STAT3: variants seen among roughly 807,000 people sequenced by gnomAD.
STAT3 encodes the protein signal transducer and activator of transcription 3.
STAT3 carries 7 observed loss-of-function variants against 114.3 expected under a neutral mutation model. The observed-to-expected ratio is 0.06, with a 90% CI of 0.03 to 0.11. STAT3 has a LOEUF of 0.11. Ranked by LOEUF, STAT3 falls within the 10% of genes least tolerant of loss-of-function variation. The probability of loss-of-function intolerance (pLI) is 1.00; values close to 1 mark genes in which losing one functional copy is unlikely to be tolerated. For missense variants in STAT3, 364 were observed against 960.9 expected (o/e 0.38, Z 8.21); for synonymous variants, 331 against 354.5 (o/e 0.93, Z 0.74).
chr17:42,330,065 A>G (rs182015336), intron 11 of STAT3, among the ~76,000 whole-genome samples: 19 of 152,218 alleles, frequency 1.2e-4, no homozygotes. Context: ...ATCCTCATGA[A>G]ATTTCCACAT....
chr17:42,313,458 T>C lies in STAT3; in HGVS notation c.*2287A>G, dbSNP rs1324361851. 1 of 226,364 alleles carries C rather than the reference T, an allele frequency of 4.4e-6. No homozygotes were observed. Among genetic ancestry groups the C allele is most frequent in the Non-Finnish European group, 8.8e-6 (1 of 113,984 alleles). 14.0% of individuals were successfully genotyped at this position (226,364 alleles called of 1,614,324 possible). On this transcript the variant is annotated 3_prime_UTR_variant, in exon 24 of 24. Transcript: ENST00000264657. ...ACACTATGAAGTACACATTGGAATT[T>C]GAATGCAGTGGCCAGGACAGCAGCT...
chr17:42,358,992 T>C (rs7350890), intron 1 of STAT3, among the ~76,000 whole-genome samples: 13 of 135,706 alleles, frequency 9.6e-5, no homozygotes, highest in African/African-American at 3.6e-4. Context: ...TGGAATGCGG[T>C]GGGCACAATC....
At chr17:42,383,106 G>C (rs1184714171) in intron 1 of STAT3, among the ~76,000 whole-genome samples, 1 of 151,948 alleles carries the variant, frequency 6.6e-6, no homozygotes, top group Non-Finnish European at 1.5e-5. Flanking sequence ...CCCCAGTCTG[G>C]AGTGCAGTGG....
intron 1 of STAT3, among the ~76,000 whole-genome samples, chr17:42,350,230 G>C (rs889244919): frequency 6.6e-6 from 1 of 152,180 alleles, no homozygotes; most frequent in Non-Finnish European, 1.5e-5. Flanking sequence ...GCACGAAGAA[G>C]CACCTAGTTA....
intron 1 of STAT3, among the ~76,000 whole-genome samples, chr17:42,359,196 A>C (rs2083387453): frequency 6.6e-6 from 1 of 151,914 alleles, no homozygotes; most frequent in African/African-American, 2.4e-5. Context: ...CGGCCTCCCA[A>C]AGTGCTGGGA....
intron 1 of STAT3, among the ~76,000 whole-genome samples, chr17:42,352,651 CAAA>C (rs766577639): frequency 7.6e-5 from 6 of 78,926 alleles, no homozygotes; most frequent in Admixed American, 1.4e-4. Flanking sequence ...GACTCTGTCT[CAAA>C]AAAAAAAAAA....
intron 21 of STAT3, among the ~76,000 whole-genome samples, chr17:42,319,001 G>T (rs1252172326): frequency 6.6e-6 from 1 of 152,142 alleles, no homozygotes; most frequent in Non-Finnish European, 1.5e-5. Flanking sequence ...TGCACTTTGG[G>T]AGGCTGAAGC....
At chr17:42,352,191 T>C (rs1567734986) in intron 1 of STAT3, among the ~76,000 whole-genome samples, 1 of 151,918 alleles carries the variant, frequency 6.6e-6, no homozygotes, top group African/African-American at 2.4e-5. Flanking sequence ...ATACAAAAAT[T>C]AGCCGAGCAT....
intron 1 of STAT3, 70 bp downstream of exon 1, chr17:42,388,209 G>A: frequency 8.1e-7 from 1 of 1,228,620 alleles, no homozygotes; most frequent in Non-Finnish European, 1.0e-6. Context: ...AGGTCCCAGA[G>A]GCCCCCTGCC....
Position 42,333,844 on chromosome 17 carries a change from T to G in STAT3, c.956+47A>C. 9.3e-6 allele frequency: 15 copies of G among 1,614,108 alleles called. No individual in the cohort carries two copies. Among genetic ancestry groups the G allele is most frequent in the Non-Finnish European group, 1.3e-5 (15 of 1,179,980 alleles). On this transcript the variant is annotated intron_variant, in intron 9 of 23. Transcript: ENST00000264657. The surrounding 1 kb of genome is among the most constrained non-coding windows in gnomAD (Gnocchi z 5.2). Reference sequence around the variant, plus strand: ...CGCCTCTCACTCTACCACGTGAGTCTTTAGGTATTTTTTAGATGAGGGAAA... The same window carrying G: ...CGCCTCTCACTCTACCACGTGAGTCGTTAGGTATTTTTTAGATGAGGGAAA...
chr17:42,347,681 C>T (rs2145005499), intron 2 of STAT3, among the ~76,000 whole-genome samples: 1 of 152,144 alleles, frequency 6.6e-6, no homozygotes, highest in East Asian at 1.9e-4. Flanking sequence ...GTGGGTTTCT[C>T]ATGAATGGTT....
At chr17:42,350,224 G>A (rs1005360243) in intron 1 of STAT3, among the ~76,000 whole-genome samples, 3 of 152,266 alleles carry the variant, frequency 2.0e-5, no homozygotes, top group South Asian at 2.1e-4. Context: ...GAGAAGGCAC[G>A]AAGAAGCACC....
At chr17:42,326,371 G>A (rs566572230) in intron 14 of STAT3, among the ~76,000 whole-genome samples, 172 bp from the exon 15 acceptor site, 2 of 152,256 alleles carry the variant, frequency 1.3e-5, no homozygotes, top group South Asian at 2.1e-4. Context: ...AGCTGGGTGT[G>A]GTGGTGCACA....
chr17:42,385,508 C>CAAA (rs11328125), intron 1 of STAT3, among the ~76,000 whole-genome samples: 3 of 108,284 alleles, frequency 2.8e-5, no homozygotes, highest in African/African-American at 3.8e-5. Context: ...AACTCCAACT[C>CAAA]AAAAAAAAAA....
intron 1 of STAT3, among the ~76,000 whole-genome samples, chr17:42,384,278 G>C (rs887140335): frequency 6.6e-6 from 1 of 151,490 alleles, no homozygotes; most frequent in African/African-American, 2.4e-5. Context: ...ACAGACGCCC[G>C]CCACAACGCC....
rs2081165022 is a variant in STAT3 at position 42,313,991 on chromosome 17, G to C, written c.*1754C>G. On this transcript the variant is annotated 3_prime_UTR_variant, in exon 24 of 24. Coordinates refer to ENST00000264657, the MANE Select transcript of STAT3 (RefSeq NM_139276.3). ...TGATCAGCTGAGGCAAGGTGGTTTTGAGTTGCCAAATCCGGCCATGCCTCT... is the reference window on the plus strand; with the variant it reads ...TGATCAGCTGAGGCAAGGTGGTTTTCAGTTGCCAAATCCGGCCATGCCTCT... 4.3e-6 allele frequency: 1 copy of C among 231,028 alleles called. No individual in the cohort carries two copies. Among genetic ancestry groups the C allele is most frequent in the Admixed American group, 5.7e-5 (1 of 17,684 alleles). The allele number at this position is 231,028 out of a possible 1,614,324, so 14.3% of individuals were successfully genotyped here.
chr17:42,352,021 G>C (rs2082988016), intron 1 of STAT3, among the ~76,000 whole-genome samples: 1 of 151,910 alleles, frequency 6.6e-6, no homozygotes, highest in Admixed American at 6.6e-5. Context: ...GGCCAACACA[G>C]TGAGATCCTG....
rs2081141683 is a variant in STAT3, at chr17:42,313,361, G to C, written c.*2384C>G. 1 of 146,420 alleles carries C rather than the reference G, an allele frequency of 6.8e-6. No individual in the cohort carries two copies. The highest frequency in any genetic ancestry group is 1.3e-5 in the Non-Finnish European group (1 of 77,794). 9.1% of individuals were successfully genotyped at this position (146,420 alleles called of 1,614,324 possible). A position where few individuals can be genotyped will look rare whatever the true frequency, so the allele number is the denominator to read the frequency against. ...ATAACGTTTATTTCTGGAAGTTAAAGTAGATACAGCAATATACCAAAAAAA... is the reference window on the plus strand; with the variant it reads ...ATAACGTTTATTTCTGGAAGTTAAACTAGATACAGCAATATACCAAAAAAA... On this transcript the variant is annotated 3_prime_UTR_variant, in exon 24 of 24. Coordinates refer to ENST00000264657, the MANE Select transcript of STAT3 (RefSeq NM_139276.3).
intron 1 of STAT3, among the ~76,000 whole-genome samples, chr17:42,375,505 C>T (rs1267666115): frequency 6.6e-6 from 1 of 152,096 alleles, no homozygotes; most frequent in Non-Finnish European, 1.5e-5. Flanking sequence ...TCTCATGGCC[C>T]CTTTATTTAT....
Sources: allele counts gnomAD v4.1 joint callset (sites outside exome capture counted in the v4.1 genomes callset), GRCh38; gene constraint gnomAD v4.1.1; non-coding constraint Gnocchi (gnomAD v3.1); transcripts MANE v1.5; gene names NCBI Gene and HGNC (gene_info 2026-07-23, HGNC 2026-07-21).